OR2L13: variants seen among roughly 807,000 people sequenced by gnomAD.
The protein encoded by OR2L13 is olfactory receptor family 2 subfamily L member 13.
A neutral mutation model predicts 15.3 loss-of-function variants in OR2L13; 14 were observed. The ratio of observed to expected loss-of-function variants is 0.91; its 90% confidence interval spans 0.60 to 1.43. The LOEUF (loss-of-function observed/expected upper bound fraction) is 1.43. OR2L13 is among the 40% of genes most tolerant of loss of function. The pLI is 0.00. For synonymous variants in OR2L13, 152 were observed against 142.9 expected, an observed-to-expected ratio of 1.06 and a Z score of -0.45; for missense variants, 367 against 387.9, an observed-to-expected ratio of 0.95 and a Z score of 0.45.
the OR2L13 span, among the ~76,000 whole-genome samples, chr1:248,053,776 C>A: frequency 2.6e-5 from 4 of 152,112 alleles, no homozygotes; most frequent in African/African-American, 9.7e-5. Flanking sequence ...AATGTCTTTT[C>A]ATGTCCTTTG....
the OR2L13 span, among the ~76,000 whole-genome samples, chr1:248,026,048 T>C: frequency 1.3e-5 from 2 of 152,272 alleles, no homozygotes; most frequent in South Asian, 4.1e-4. Context: ...TGTATACATA[T>C]GTAACTAATC....
chr1:248,070,338 A>C, the OR2L13 span, among the ~76,000 whole-genome samples: 2 of 151,998 alleles, frequency 1.3e-5, no homozygotes, highest in African/African-American at 4.8e-5. Context: ...AAACCACTCA[A>C]CTACATGGAA....
At chr1:247,990,688 G>T in the OR2L13 span, 6 of 1,530,832 alleles carry the variant, frequency 3.9e-6, no homozygotes, top group Middle Eastern at 1.7e-4. Context: ...AAGAGTGTGT[G>T]CACTGATGAT....
At chr1:248,036,111 T>C in the OR2L13 span, among the ~76,000 whole-genome samples, 3 of 152,196 alleles carry the variant, frequency 2.0e-5, no homozygotes, top group Admixed American at 2.0e-4. Flanking sequence ...GGCTAATATA[T>C]TCCAGTTCTG....
the OR2L13 span, among the ~76,000 whole-genome samples, chr1:248,090,053 T>TA: frequency 6.6e-6 from 1 of 152,180 alleles, no homozygotes; most frequent in Non-Finnish European, 1.5e-5. Context: ...AACTTACCTG[T>TA]AGCCATCCAT....
At chr1:248,005,093 C>T in the OR2L13 span, among the ~76,000 whole-genome samples, 1 of 151,984 alleles carries the variant, frequency 6.6e-6, no homozygotes, top group Admixed American at 6.5e-5. Context: ...TGAATAAGAG[C>T]CAGTAATTGG....
At chr1:248,099,443 G>A (rs1664798761) in exon 3 of OR2L13, 2 of 1,613,764 alleles carry the variant, frequency 1.2e-6, no homozygotes, top group Admixed American at 3.3e-5. Flanking sequence ...AATCAAACTG[G>A]AATATTTCTC....
At chr1:248,004,035 G>C in the OR2L13 span, 12 of 1,612,100 alleles carry the variant, frequency 7.4e-6, no homozygotes, top group African/African-American at 8.0e-5. Flanking sequence ...GCCCTGACAC[G>C]AGTGAGTCAG....
chr1:248,014,506 T>G, the OR2L13 span, among the ~76,000 whole-genome samples: 1 of 152,168 alleles, frequency 6.6e-6, no homozygotes, highest in Non-Finnish European at 1.5e-5. Context: ...CAAGGTAAAC[T>G]TCCAGTGAAA....
At chr1:248,051,483 A>G in the OR2L13 span, among the ~76,000 whole-genome samples, 1 of 152,326 alleles carries the variant, frequency 6.6e-6, no homozygotes, top group East Asian at 1.9e-4. Context: ...TGATGCAAAA[A>G]CAGAATAACA....
At chr1:247,977,330 G>A in the OR2L13 span, among the ~76,000 whole-genome samples, 1 of 152,164 alleles carries the variant, frequency 6.6e-6, no homozygotes, top group Non-Finnish European at 1.5e-5. Context: ...TCTAGAGCAT[G>A]ATTTGTGGGA....
rs561114665 is a variant in OR2L13 at position 248,098,413 on chromosome 1, G to T, written c.-143-238G>T. Among the ~76,000 whole-genome samples, 9 of 152,218 alleles carry T rather than the reference G, an allele frequency of 5.9e-5. No homozygotes were observed. The South Asian group carries it at 1.9e-3, about 32-fold the overall frequency. ...TAAAGCACTATAAGAAGCAGAGAGT[G>T]CCTGTGATCCCATTTGGCATCCAAG... On this transcript the variant is annotated intron_variant, in intron 1 of 2. Coordinates refer to ENST00000641714, the Ensembl canonical transcript of OR2L13.
the OR2L13 span, among the ~76,000 whole-genome samples, chr1:247,942,545 G>A: frequency 6.6e-6 from 1 of 151,992 alleles, no homozygotes; most frequent in Non-Finnish European, 1.5e-5. Flanking sequence ...GATTCCTAAT[G>A]ACATTTATGA....
the OR2L13 span, among the ~76,000 whole-genome samples, chr1:248,081,905 T>A: frequency 2.0e-5 from 3 of 152,146 alleles, no homozygotes; most frequent in East Asian, 5.8e-4. Flanking sequence ...AACAAGCCCC[T>A]TTTGAAATTC....
At chr1:248,087,245 T>G in the OR2L13 span, among the ~76,000 whole-genome samples, 1 of 152,142 alleles carries the variant, frequency 6.6e-6, no homozygotes, top group African/African-American at 2.4e-5. Flanking sequence ...TTGACCTAAT[T>G]AACTGCTTTA....
the OR2L13 span, chr1:248,003,310 C>T: frequency 6.3e-7 from 1 of 1,586,256 alleles, no homozygotes; most frequent in Non-Finnish European, 8.7e-7. Flanking sequence ...CCATGTGTTT[C>T]CTACTTAGTC....
At chr1:247,966,445 T>C in the OR2L13 span, 1 of 1,149,908 alleles carries the variant, frequency 8.7e-7, no homozygotes, top group Non-Finnish European at 1.2e-6. Flanking sequence ...CAATCTTGTT[T>C]AACTTGTAAA....
the OR2L13 span, chr1:248,003,618 T>A: frequency 6.2e-7 from 1 of 1,611,448 alleles, no homozygotes; most frequent in South Asian, 1.1e-5. Context: ...GTATATATAC[T>A]CCATATTCCT....
the OR2L13 span, among the ~76,000 whole-genome samples, chr1:247,967,032 A>AACATACC: frequency 1.4e-5 from 1 of 71,714 alleles, no homozygotes; most frequent in Admixed American, 1.6e-4. Context: ...TGTGCATGCA[A>AACATACC]ACACACCACA....
Sources: gnomAD v4.1 joint callset for allele counts (sites outside exome capture counted in the v4.1 genomes callset) on GRCh38, gnomAD v4.1.1 for gene constraint, MANE v1.5 for transcripts, NCBI Gene and HGNC (gene_info 2026-07-23, HGNC 2026-07-21) for gene names.